HERC4: variants seen among roughly 807,000 people sequenced by gnomAD.
The protein encoded by HERC4 is probable E3 ubiquitin-protein ligase HERC4.
A neutral mutation model predicts 124.3 loss-of-function variants in HERC4; 28 were observed. The observed-to-expected ratio is 0.23, with a 90% CI of 0.17 to 0.31. The LOEUF is 0.31. Ranked by LOEUF, HERC4 falls within the 10% of genes least tolerant of loss-of-function variation. The pLI is 1.00. For synonymous variants in HERC4, 407 were observed against 421.5 expected, an observed-to-expected ratio of 0.97 and a Z score of 0.42; for missense variants, 713 against 1,229.3, an observed-to-expected ratio of 0.58 and a Z score of 6.28.
At chr10:67,991,080 G>A (rs1327528270) in intron 12 of HERC4, 60 bp downstream of exon 12, 1 of 1,354,082 alleles carries the variant, frequency 7.4e-7, no homozygotes, top group Non-Finnish European at 9.9e-7. Flanking sequence ...TTTTTAATTT[G>A]ATATACTATT....
At chr10:67,986,753 GAA>G (rs1437222688) in intron 15 of HERC4, among the ~76,000 whole-genome samples, 2 of 152,060 alleles carry the variant, frequency 1.3e-5, no homozygotes, top group Non-Finnish European at 1.5e-5. Context: ...ATGGGATAAA[GAA>G]AAAGACTTCT....
chr10:68,005,336 T>C (rs2037475634), intron 9 of HERC4, among the ~76,000 whole-genome samples: 1 of 152,242 alleles, frequency 6.6e-6, no homozygotes, highest in Non-Finnish European at 1.5e-5. Context: ...ATCTATTTTG[T>C]CTGATATAAG....
At chr10:67,956,778 T>C (rs2034168200) in intron 17 of HERC4, 100 bp downstream of exon 17, 1 of 634,700 alleles carries the variant, frequency 1.6e-6, no homozygotes, top group African/African-American at 1.8e-5. Context: ...AAGTACTTTG[T>C]GTACCTTCAT....
At chr10:67,941,136 C>A in intron 19 of HERC4, 31 bp from the exon 20 acceptor site, 1 of 1,409,140 alleles carries the variant, frequency 7.1e-7, no homozygotes, top group South Asian at 1.5e-5. Context: ...AAACACATGT[C>A]CTCCAAGTTA....
chr10:68,035,204 G>A (rs2039398709), intron 5 of HERC4, among the ~76,000 whole-genome samples: 1 of 150,556 alleles, frequency 6.6e-6, no homozygotes, highest in Admixed American at 6.6e-5. Flanking sequence ...CCAGGTTGGA[G>A]TGCAGTGGCG....
chr10:67,932,803 G>C, intron 22 of HERC4, 23 bp from the exon 23 acceptor site: 4 of 1,555,796 alleles, frequency 2.6e-6, no homozygotes, highest in Non-Finnish European at 3.5e-6. Context: ...AAGCACACAT[G>C]TACAGATTAT....
At chr10:67,946,777 C>T (rs188010312) in intron 19 of HERC4, among the ~76,000 whole-genome samples, 4 of 152,108 alleles carry the variant, frequency 2.6e-5, no homozygotes, top group African/African-American at 4.8e-5. Flanking sequence ...CATGGTGGCA[C>T]ACACCTGTAG....
rs534583886 is a variant in HERC4, at chr10:67,942,068, C to T, written c.2338-963G>A. On this transcript the variant is annotated intron_variant, in intron 19 of 24. Coordinates refer to ENST00000373700, the MANE Select transcript of HERC4 (RefSeq NM_015601.4). ...AGATAACTGAAACATACTTACACTA[C>T]TGACACACTGAAAATGTTTATTTTT... Among the ~76,000 whole-genome samples the T allele has an allele frequency of 3.9e-4, 60 of 152,286 alleles. No individual in the cohort carries two copies. In the Middle Eastern group the frequency reaches 0.01, roughly 26 times the overall value.
rs568781073 is a variant in HERC4 at position 67,959,856 on chromosome 10, T to A, written c.1927-2880A>T. Among the ~76,000 whole-genome samples the A allele has an allele frequency of 2.0e-5, 3 of 152,352 alleles. No homozygotes were observed. In the South Asian group the frequency reaches 6.2e-4, roughly 32 times the overall value. On this transcript the variant is annotated intron_variant, in intron 16 of 24. Transcript: ENST00000373700. ...TTTTCTTGTAGAAAGTTTCCACATA[T>A]GCTCAGAGCACAGACTCGTGTAAAG...
chr10:67,957,000 T>C (rs1413693701), intron 16 of HERC4, 24 bp from the exon 17 acceptor site: 2 of 1,365,670 alleles, frequency 1.5e-6, no homozygotes, highest in East Asian at 4.7e-5. Flanking sequence ...ATTAACTTAT[T>C]AGTACAAGTT....
At chr10:67,957,324 T>C (rs1447986385) in intron 16 of HERC4, among the ~76,000 whole-genome samples, 5 of 152,228 alleles carry the variant, frequency 3.3e-5, no homozygotes, top group East Asian at 1.9e-4. Flanking sequence ...AATTCTTACA[T>C]GTTAGGGCAA....
intron 15 of HERC4, among the ~76,000 whole-genome samples, chr10:67,978,771 G>A (rs1301117964): frequency 6.6e-6 from 1 of 152,200 alleles, no homozygotes; most frequent in Non-Finnish European, 1.5e-5. Flanking sequence ...AGGTGCCTCA[G>A]AACAGACAAA....
chr10:67,999,217 T>C (rs2037084044), intron 9 of HERC4, among the ~76,000 whole-genome samples: 1 of 152,240 alleles, frequency 6.6e-6, no homozygotes, highest in Non-Finnish European at 1.5e-5. Context: ...ATATCAGACA[T>C]AAGAGTCACT....
intron 21 of HERC4, among the ~76,000 whole-genome samples, chr10:67,936,663 A>G (rs2032390073): frequency 1.3e-5 from 2 of 152,196 alleles, no homozygotes. Context: ...AAACTTTATC[A>G]CAGACAGTTT....
chr10:68,010,600 C>G (rs565384643), intron 9 of HERC4: 3 of 1,295,058 alleles, frequency 2.3e-6, no homozygotes, highest in South Asian at 1.3e-5. Context: ...CAGGCCTGCA[C>G]GAGGGTTTCG....
intron 9 of HERC4, among the ~76,000 whole-genome samples, chr10:68,011,316 A>AC (rs1487525507): frequency 1.2e-4 from 19 of 152,228 alleles, no homozygotes; most frequent in African/African-American, 4.1e-4. Context: ...AAATGTTCTT[A>AC]ACAGTAACTG....
At chr10:68,066,227 C>T in intron 3 of HERC4, among the ~76,000 whole-genome samples, 1 of 152,232 alleles carries the variant, frequency 6.6e-6, no homozygotes, top group Non-Finnish European at 1.5e-5. Flanking sequence ...AAAATACATG[C>T]CTTTGTGAGA....
intron 11 of HERC4, among the ~76,000 whole-genome samples, chr10:67,991,867 T>C (rs944710788): frequency 1.3e-5 from 2 of 152,182 alleles, no homozygotes; most frequent in African/African-American, 2.4e-5. Flanking sequence ...CTACAACTTA[T>C]ACATATTTAA....
intron 15 of HERC4, among the ~76,000 whole-genome samples, chr10:67,977,327 C>T (rs1038535242): frequency 1.3e-5 from 2 of 152,128 alleles, no homozygotes; most frequent in Non-Finnish European, 2.9e-5. Flanking sequence ...GAACCCACTG[C>T]CTCGAAAAGA....
Sources: allele counts gnomAD v4.1 joint callset (sites outside exome capture counted in the v4.1 genomes callset), GRCh38; gene constraint gnomAD v4.1.1; transcripts MANE v1.5; gene names NCBI Gene and HGNC (gene_info 2026-07-23, HGNC 2026-07-21).